The following TERT variants were observed in gnomAD, a reference collection of about 807,000 sequenced individuals.
TERT encodes the protein telomerase catalytic subunit.
A neutral mutation model predicts 104.0 loss-of-function variants in TERT; 42 were observed. That is an observed-to-expected ratio of 0.40 (90% CI 0.32 to 0.52). The LOEUF (loss-of-function observed/expected upper bound fraction) is 0.52, where lower values mean the gene tolerates loss of function less well. Among genes scored for constraint, TERT ranks in the 20% least tolerant of loss-of-function variants. TERT has a pLI of 0.43. For synonymous variants in TERT, 781 were observed against 725.6 expected (o/e 1.08, Z -1.23); for missense variants, 1,101 against 1,610.3 (o/e 0.68, Z 5.41).
Position 1,255,543 on chromosome 5 carries a change from T to G in TERT, c.3033-132A>C. The G allele has an allele frequency of 8.9e-7, 1 of 1,125,434 alleles. No individual in the cohort carries two copies. The highest frequency in any genetic ancestry group is 1.3e-6 in the Non-Finnish European group (1 of 757,272). The allele number at this position is 1,125,434 out of a possible 1,614,324, so 69.7% of individuals were successfully genotyped here. On this transcript the variant is annotated intron_variant, in intron 13 of 15. Coordinates refer to ENST00000310581, the MANE Select transcript of TERT (RefSeq NM_198253.3). The surrounding 1 kb of genome is among the most constrained non-coding windows in gnomAD (Gnocchi z 6.9). Reference sequence around the variant, plus strand: ...GCATGGGTTTCCTCATGGGCACAGGTGCACACACACGGATGCATGCATGCA... The same window carrying G: ...GCATGGGTTTCCTCATGGGCACAGGGGCACACACACGGATGCATGCATGCA...
chr5:1,277,058 G>A (rs1027730438), intron 6 of TERT, among the ~76,000 whole-genome samples: 1 of 152,208 alleles, frequency 6.6e-6, no homozygotes, highest in Admixed American at 6.5e-5. Context: ...AGGACGGACA[G>A]CCACCTCCCG....
chr5:1,276,870 A>G (rs1449915450), intron 6 of TERT, among the ~76,000 whole-genome samples: 1 of 152,258 alleles, frequency 6.6e-6, no homozygotes, highest in Non-Finnish European at 1.5e-5. Flanking sequence ...GTGTTAGTGG[A>G]CTGCGATAGA....
rs1380934955 is a variant in TERT at position 1,293,878 on chromosome 5, G to A, written c.1008C>T (p.Gly336=). The change falls in exon 2 of 16, where the codon GGC becomes GGT. Residue 336 remains glycine, a synonymous_variant. Coordinates refer to ENST00000310581, the MANE Select transcript of TERT (RefSeq NM_198253.3). ...AETKHFLYSS[G]DKEQLRPSFL... The stretch of plus-strand genomic sequence containing the variant: ...AGGAGGGCCGCAGCTGCTCCTTGTC[G>A]CCTGAGGAGTAGAGGAAGTGCTTGG... 1 of 1,544,102 alleles carries A rather than the reference G, an allele frequency of 6.5e-7. No individual in the cohort carries two copies. Among genetic ancestry groups the A allele is most frequent in the Non-Finnish European group, 8.7e-7 (1 of 1,146,956 alleles).
rs1747789614 is a variant in TERT, at chr5:1,256,954, G to A, written c.3033-1543C>T. Among the ~76,000 whole-genome samples the A allele has an allele frequency of 6.6e-6, 1 of 152,096 alleles. No homozygotes were observed. The highest frequency in any genetic ancestry group is 1.5e-5 in the Non-Finnish European group (1 of 68,010). ...TCAGACCCCGCCCCCAGCGCCACGT[G>A]GACCACCACAGCCTCGCCCACTGCA... On this transcript the variant is annotated intron_variant, in intron 13 of 15. Coordinates refer to ENST00000310581, the MANE Select transcript of TERT (RefSeq NM_198253.3). This position sits in a 1 kb window ranked among gnomAD's most constrained non-coding sequence, Gnocchi z 7.0.
chr5:1,274,044 G>A lies in TERT; in HGVS notation c.2287-1764C>T, dbSNP rs545226540. On this transcript the variant is annotated intron_variant, in intron 6 of 15. Coordinates refer to ENST00000310581, the MANE Select transcript of TERT (RefSeq NM_198253.3). This position sits in a 1 kb window ranked among gnomAD's most constrained non-coding sequence, Gnocchi z 5.3. ...ACTACGGGACCTGCTAAGCCCCTGC[G>A]TCCCCAAGACAGGATGTGAGCAGGC... Among the ~76,000 whole-genome samples the A allele has an allele frequency of 1.2e-4, 19 of 152,276 alleles. No individual in the cohort carries two copies. Among genetic ancestry groups the A allele is most frequent in the Middle Eastern group, 3.4e-3 (1 of 294 alleles).
chr5:1,258,780 A>T, intron 12 of TERT, 121 bp from the exon 13 acceptor site: 1 of 906,256 alleles, frequency 1.1e-6, no homozygotes, highest in South Asian at 1.4e-5. Context: ...ACAAGAAACT[A>T]TCCCTCTTCC....
chr5:1,267,897 T>C (rs1294928700), intron 9 of TERT, among the ~76,000 whole-genome samples: 2 of 152,008 alleles, frequency 1.3e-5, no homozygotes, highest in Non-Finnish European at 2.9e-5. Flanking sequence ...GATGAGTTAA[T>C]GGGTGCAGCA....
intron 3 of TERT, among the ~76,000 whole-genome samples, chr5:1,281,782 C>A (rs531699599): frequency 6.6e-6 from 1 of 152,186 alleles, no homozygotes; most frequent in Non-Finnish European, 1.5e-5. Flanking sequence ...TCATACAGAA[C>A]AGCATGAATT....
chr5:1,279,760 G>A (rs929141507), intron 4 of TERT, among the ~76,000 whole-genome samples: 3 of 152,224 alleles, frequency 2.0e-5, no homozygotes, highest in South Asian at 2.1e-4. Context: ...TGCAGGAGCC[G>A]TGGGGCAAGG....
At chr5:1,284,350 G>A (rs1325336151) in intron 2 of TERT, among the ~76,000 whole-genome samples, 2 of 131,176 alleles carry the variant, frequency 1.5e-5, no homozygotes, top group African/African-American at 3.0e-5. Context: ...TGCATCATCC[G>A]GACTCCATAC....
Position 1,262,564 on chromosome 5 carries a change from C to A in TERT, c.2843+1840G>T, listed in dbSNP as rs1748308107. 6.6e-6 allele frequency among the ~76,000 whole-genome samples: 1 copy of A among 152,202 alleles called. No individual in the cohort carries two copies. The highest frequency in any genetic ancestry group is 6.5e-5 in the Admixed American group (1 of 15,282). On this transcript the variant is annotated intron_variant, in intron 11 of 15. Coordinates refer to ENST00000310581, the MANE Select transcript of TERT (RefSeq NM_198253.3). The surrounding 1 kb of genome is among the most constrained non-coding windows in gnomAD (Gnocchi z 5.6). The stretch of plus-strand genomic sequence containing the variant: ...CCCTGAGTATGGCGAACCACTGCCT[C>A]CACTGCTGAGCTTTTAGAGCCACCT...
At chr5:1,260,880 G>A (rs1445708463) in intron 11 of TERT, among the ~76,000 whole-genome samples, 1 of 152,206 alleles carries the variant, frequency 6.6e-6, no homozygotes, top group East Asian at 1.9e-4. Context: ...CTGCCCTGAT[G>A]AGATCTGCAC....
At chr5:1,264,231 A>G (rs1291613182) in intron 11 of TERT, 173 bp downstream of exon 11, 1 of 671,540 alleles carries the variant, frequency 1.5e-6, no homozygotes, top group Non-Finnish European at 2.6e-6. Flanking sequence ...TCACTCCCAC[A>G]GAAAGATGCA....
chr5:1,292,883 C>A lies in TERT; in HGVS notation c.1573+430G>T. ...ACCACGTGCACCTGCAAAACCCTTA[C>A]CTCCCACCCCCAGGAAGAGGGGGTT... On this transcript the variant is annotated intron_variant, in intron 2 of 15. Transcript: ENST00000310581. This position sits in a 1 kb window ranked among gnomAD's most constrained non-coding sequence, Gnocchi z 5.5. Among the ~76,000 whole-genome samples, 1 of 152,206 alleles carries A rather than the reference C, an allele frequency of 6.6e-6. No individual in the cohort carries two copies. The highest frequency in any genetic ancestry group is 2.1e-4 in the South Asian group (1 of 4,834).
chr5:1,293,748 G>T lies in TERT; in HGVS notation c.1138C>A (p.Pro380Thr), dbSNP rs144756946. Residue 380 changes from proline to threonine, a missense_variant, in exon 2 of 16, where the codon CCC becomes ACC. This residue lies in a region of TERT where 504 missense variants were observed against 544.6 expected (regional missense o/e 0.93). Transcript: ENST00000310581. ...PWMPGTPRRLPRLPQRYWQMR... is the reference protein window; with the variant it reads ...PWMPGTPRRLTRLPQRYWQMR... ...TGCCAGTAGCGCTGGGGCAGGCGGG[G>T]CAACCTGCGGGGAGTCCCTGGCATC... 1.3e-6 allele frequency: 2 copies of T among 1,562,232 alleles called. No homozygotes were observed. Among genetic ancestry groups the T allele is most frequent in the Non-Finnish European group, 1.7e-6 (2 of 1,153,478 alleles).
At position 1,286,748 on chromosome 5, in the gene TERT, G is replaced by C. The variant is rs559196616; in HGVS notation, c.1574-4124C>G. 1.4e-4 allele frequency among the ~76,000 whole-genome samples: 22 copies of C among 152,130 alleles called. No individual in the cohort carries two copies. Among genetic ancestry groups the C allele is most frequent in the South Asian group, 2.1e-4 (1 of 4,814 alleles). On this transcript the variant is annotated intron_variant, in intron 2 of 15. Transcript: ENST00000310581. This position sits in a 1 kb window ranked among gnomAD's most constrained non-coding sequence, Gnocchi z 5.3. ...CAAAAATTAGCCAGGCGTGGTGGTG[G>C]GCGCCTGTAATCCCAGCTACTCATG... is the stretch of plus-strand genomic sequence containing the variant.
chr5:1,256,182 G>C lies in TERT; in HGVS notation c.3033-771C>G, dbSNP rs925175969. 6.6e-6 allele frequency among the ~76,000 whole-genome samples: 1 copy of C among 151,916 alleles called. No individual in the cohort carries two copies. On this transcript the variant is annotated intron_variant, in intron 13 of 15. Coordinates refer to ENST00000310581, the MANE Select transcript of TERT (RefSeq NM_198253.3). This position sits in a 1 kb window ranked among gnomAD's most constrained non-coding sequence, Gnocchi z 7.0. ...ACACCACCATGCTCAGCTAATTTTT[G>C]TTTTTATTTTTCATAGAGATGGGGT...
chr5:1,258,981 C>T lies in TERT; in HGVS notation c.2971-322G>A, dbSNP rs189039997. Reference sequence around the variant, plus strand: ...CAGAGAGGGGGAGTGGACGCGGATGCCCACAGGAGAGAGGGAGTGGAGTGG... The same window carrying T: ...CAGAGAGGGGGAGTGGACGCGGATGTCCACAGGAGAGAGGGAGTGGAGTGG... On this transcript the variant is annotated intron_variant, in intron 12 of 15. Coordinates refer to ENST00000310581, the MANE Select transcript of TERT (RefSeq NM_198253.3). Among the ~76,000 whole-genome samples, 281 of 148,582 alleles carry T rather than the reference C, an allele frequency of 1.9e-3. 1 individual carries two copies. The highest frequency in any genetic ancestry group is 1.6e-3 in the Admixed American group (24 of 14,932).
Position 1,282,512 on chromosome 5 carries a change from A to G in TERT, c.1686T>C (p.Tyr562=), listed in dbSNP as rs925363445. The G allele has an allele frequency of 3.7e-6, 6 of 1,614,078 alleles. No individual in the cohort carries two copies. The highest frequency in any genetic ancestry group is 4.2e-6 in the Non-Finnish European group (5 of 1,180,048). The change falls in exon 3 of 16, where the codon TAT becomes TAC. Residue 562 remains tyrosine (Y), a synonymous_variant. Transcript: ENST00000310581. ...TCTTTTGAAACGTGGTCTCCGTGAC[A>G]TAAAAGAAAGACCTGAGCAGCTCGA... ...YVVELLRSFF[Y]VTETTFQKNR...
Sources: gnomAD v4.1 joint callset for allele counts (sites outside exome capture counted in the v4.1 genomes callset) on GRCh38, gnomAD v4.1.1 for gene constraint, gnomAD v4.1.1 regional missense constraint, Gnocchi (gnomAD v3.1) non-coding constraint, MANE v1.5 for transcripts, NCBI Gene and HGNC (gene_info 2026-07-23, HGNC 2026-07-21) for gene names.